IL26: variants seen among roughly 807,000 people sequenced by gnomAD.
The protein encoded by IL26 is interleukin-26.
A neutral mutation model predicts 21.7 loss-of-function variants in IL26; 23 were observed. The observed-to-expected ratio is 1.06, with a 90% CI of 0.76 to 1.50. IL26 has a LOEUF of 1.50. Among genes scored for constraint, IL26 ranks in the 40% most tolerant of loss-of-function variants. IL26 has a pLI of 0.00. For missense variants in IL26, 204 were observed against 196.0 expected, an observed-to-expected ratio of 1.04 and a Z score of -0.24; for synonymous variants, 63 against 67.8, an observed-to-expected ratio of 0.93 and a Z score of 0.34.
At chr12:68,210,565 CA>C in intron 3 of IL26, among the ~76,000 whole-genome samples, 1 of 151,892 alleles carries the variant, frequency 6.6e-6, no homozygotes. Context: ...TCTGCGAAAC[CA>C]AATTCATAAT....
chr12:68,221,347 G>C (rs1869039021), intron 3 of IL26, among the ~76,000 whole-genome samples: 2 of 152,026 alleles, frequency 1.3e-5, no homozygotes, highest in African/African-American at 2.4e-5. Flanking sequence ...AAAGCACGAG[G>C]TCTCAGCCAT....
intron 3 of IL26, among the ~76,000 whole-genome samples, chr12:68,211,858 T>C (rs1868741477): frequency 6.6e-6 from 1 of 152,178 alleles, no homozygotes; most frequent in Non-Finnish European, 1.5e-5. Context: ...TTTCCTTTGC[T>C]GGGCAGAGGA....
At chr12:68,222,278 G>T (rs11570992) in intron 3 of IL26, among the ~76,000 whole-genome samples, 2,663 of 152,284 alleles carry the variant, frequency 0.017, 70 homozygotes, top group African/African-American at 0.06. Flanking sequence ...AATATCATAT[G>T]TTTTGCTTTT....
chr12:68,223,485 T>C (rs1359234528), intron 3 of IL26, among the ~76,000 whole-genome samples: 1 of 152,218 alleles, frequency 6.6e-6, no homozygotes, highest in Non-Finnish European at 1.5e-5. Context: ...TTTTAGGTTA[T>C]AACTGTCGCT....
At chr12:68,220,792 G>A (rs1400289362) in intron 3 of IL26, among the ~76,000 whole-genome samples, 2 of 152,096 alleles carry the variant, frequency 1.3e-5, no homozygotes, top group South Asian at 2.1e-4. Flanking sequence ...ATGCGCCACC[G>A]CGCCTGGCTA....
chr12:68,205,485 TAAGG>T (rs1447496321), intron 3 of IL26, among the ~76,000 whole-genome samples: 1 of 152,086 alleles, frequency 6.6e-6, no homozygotes, highest in African/African-American at 2.4e-5. Context: ...AAGAAAATCA[TAAGG>T]AAGAGAAAAT....
intron 3 of IL26, among the ~76,000 whole-genome samples, chr12:68,211,196 C>T (rs1212972517): frequency 6.6e-6 from 1 of 152,136 alleles, no homozygotes; most frequent in Admixed American, 6.5e-5. Flanking sequence ...GTTGTCTTTC[C>T]ATGCCTGGCT....
chr12:68,208,215 T>TC (rs1448657636), intron 3 of IL26, among the ~76,000 whole-genome samples: 1 of 152,048 alleles, frequency 6.6e-6, no homozygotes, highest in Non-Finnish European at 1.5e-5. Context: ...ACCTCTGAAG[T>TC]CTTCCAGAAG....
Position 68,225,769 on chromosome 12 carries a change from C to T in IL26, c.-13G>A. 6.2e-7 allele frequency: 1 copy of T among 1,612,700 alleles called. No individual in the cohort carries two copies. Among genetic ancestry groups the T allele is most frequent in the South Asian group, 1.1e-5 (1 of 90,822 alleles). ...AATTCACCAGCATTTCCCTTCACCC[C>T]ACTCAGCGTGTGTCACTCACAGCAG... On this transcript the variant is annotated 5_prime_UTR_variant, in exon 1 of 5. Coordinates refer to ENST00000229134, the MANE Select transcript of IL26 (RefSeq NM_018402.2).
At chr12:68,211,306 A>G (rs535361343) in intron 3 of IL26, among the ~76,000 whole-genome samples, 6 of 152,242 alleles carry the variant, frequency 3.9e-5, no homozygotes, top group African/African-American at 1.4e-4. Context: ...CCATTCATCC[A>G]TTGATGAGCA....
chr12:68,221,052 C>T (rs1017340254), intron 3 of IL26, among the ~76,000 whole-genome samples: 7 of 152,196 alleles, frequency 4.6e-5, no homozygotes, highest in African/African-American at 1.7e-4. Flanking sequence ...CAAGTCTCCC[C>T]TCTCCCTGCT....
At chr12:68,217,505 G>T (rs1192718160) in intron 3 of IL26, among the ~76,000 whole-genome samples, 1 of 152,046 alleles carries the variant, frequency 6.6e-6, no homozygotes, top group Non-Finnish European at 1.5e-5. Flanking sequence ...ATTTAACCTG[G>T]CTTTCTTATA....
intron 3 of IL26, among the ~76,000 whole-genome samples, chr12:68,206,987 A>C (rs1284458176): frequency 6.6e-6 from 1 of 152,148 alleles, no homozygotes; most frequent in Non-Finnish European, 1.5e-5. Flanking sequence ...TTTTGTTTTA[A>C]ATTGTCATAT....
chr12:68,225,225 T>C lies in IL26; in HGVS notation c.287A>G (p.Gln96Arg). 3 of 1,613,796 alleles carry C rather than the reference T, an allele frequency of 1.9e-6. No individual in the cohort carries two copies. The highest frequency in any genetic ancestry group is 2.5e-6 in the Non-Finnish European group (3 of 1,179,886). Residue 96 changes from glutamine (Q) to arginine (R), a missense_variant, in exon 3 of 5, where the codon CAA becomes CGA. Coordinates refer to ENST00000229134, the MANE Select transcript of IL26 (RefSeq NM_018402.2). ...TTTCTTGCAGCCTTGCAATTGCAGT[T>C]GACCAAAAACGTCTTCCATGAAGAA... ...LSFFMEDVFG[Q>R]LQLQGCKKIR...
intron 3 of IL26, among the ~76,000 whole-genome samples, chr12:68,213,885 T>C (rs1316963129): frequency 1.3e-5 from 2 of 152,098 alleles, no homozygotes; most frequent in Non-Finnish European, 2.9e-5. Flanking sequence ...ATTTATTAGT[T>C]ATTTCCTTCT....
intron 3 of IL26, 104 bp downstream of exon 3, chr12:68,225,044 AC>A: frequency 8.4e-7 from 1 of 1,192,406 alleles, no homozygotes; most frequent in Non-Finnish European, 1.2e-6. Context: ...GCCAACAATT[AC>A]AAAGCTCGTT....
chr12:68,203,952 T>C (rs1004347517), intron 3 of IL26, among the ~76,000 whole-genome samples: 2 of 152,104 alleles, frequency 1.3e-5, no homozygotes, highest in African/African-American at 4.8e-5. Context: ...GCTTTCTAGG[T>C]GTATTTCATG....
At chr12:68,210,799 A>AAT (rs1304907119) in intron 3 of IL26, among the ~76,000 whole-genome samples, 4 of 152,204 alleles carry the variant, frequency 2.6e-5, no homozygotes, top group Admixed American at 2.6e-4. Context: ...TTAATACTTT[A>AAT]AATACAAATA....
At chr12:68,221,011 A>G (rs1420083550) in intron 3 of IL26, among the ~76,000 whole-genome samples, 1 of 152,200 alleles carries the variant, frequency 6.6e-6, no homozygotes, top group Non-Finnish European at 1.5e-5. Context: ...GCATGCTCAG[A>G]AACATTCTGA....
Sources: allele counts gnomAD v4.1 joint callset (sites outside exome capture counted in the v4.1 genomes callset), GRCh38; gene constraint gnomAD v4.1.1; transcripts MANE v1.5; gene names NCBI Gene and HGNC (gene_info 2026-07-23, HGNC 2026-07-21).